Variants in GFI1B observed in about 807,000 individuals in gnomAD.
GFI1B encodes zinc finger protein Gfi-1b.
GFI1B carries 20 observed loss-of-function variants against 35.3 expected under a neutral mutation model. The ratio of observed to expected loss-of-function variants is 0.57; its 90% CI spans 0.40 to 0.82. The LOEUF (loss-of-function observed/expected upper bound fraction) is 0.82, where lower values mean the gene tolerates loss of function less well. Ranked by LOEUF, GFI1B falls within the 40% of genes least tolerant of loss-of-function variation. GFI1B has a pLI of 0.00. For missense variants in GFI1B, 430 were observed against 446.3 expected (o/e 0.96, Z 0.33); for synonymous variants, 178 against 177.6 (o/e 1.00, Z -0.02).
At position 132,979,297 on chromosome 9, in the gene GFI1B, C is replaced by T. The variant is rs564396862; in HGVS notation, c.-21+456C>T. ...TTTGAGACAGAGTGAGACTCTGGAGCGCAGTGGTGCGATTGCACTGAAACC... is the reference window on the plus strand; with the variant it reads ...TTTGAGACAGAGTGAGACTCTGGAGTGCAGTGGTGCGATTGCACTGAAACC... On this transcript the variant is annotated intron_variant, in intron 1 of 6. Transcript: ENST00000372122. Among the ~76,000 whole-genome samples the T allele has an allele frequency of 8.3e-5, 11 of 132,310 alleles. No homozygotes were observed. In the South Asian group the frequency reaches 1.7e-3, roughly 20 times the overall value. 86.8% of individuals were successfully genotyped at this position (132,310 alleles called of 152,430 possible). A position where few individuals can be genotyped will look rare whatever the true frequency, so the allele number is the denominator to read the frequency against.
At position 132,989,888 on chromosome 9, in the gene GFI1B, G is replaced by A; in HGVS notation, c.795G>A (p.Lys265=). 3.1e-6 allele frequency: 5 copies of A among 1,614,234 alleles called. No individual in the cohort carries two copies. The African/African-American group carries it at 4.0e-5, about 13-fold the overall frequency. ...TCCACCAGAAGTCCGACATGAAGAA[G>A]CACACCTACATCCACACAGGTGAGT... ...KRFHQKSDMK[K]HTYIHTGEKP... The change falls in exon 6 of 7, where the codon AAG becomes AAA. Residue 265 remains lysine (K), a synonymous_variant. Transcript: ENST00000372122. The surrounding 1 kb of genome is among the most constrained non-coding windows in gnomAD (Gnocchi z 6.2).
rs1312313443 is a variant in GFI1B at position 132,991,197 on chromosome 9, G to T, written c.*147G>T. 4 of 730,344 alleles carry T rather than the reference G, an allele frequency of 5.5e-6. No individual in the cohort carries two copies. The highest frequency in any genetic ancestry group is 7.0e-6 in the Non-Finnish European group (3 of 426,854). The allele number at this position is 730,344 out of a possible 1,614,324, so 45.2% of individuals were successfully genotyped here. On this transcript the variant is annotated 3_prime_UTR_variant, in exon 7 of 7. Coordinates refer to ENST00000372122, the MANE Select transcript of GFI1B (RefSeq NM_001377304.1). ...GTTTTGAGACTCATGAAATTGCTGT[G>T]TGACCTTGGGCAAGTCACTTACCCT...
chr9:132,947,412 C>CAAA (rs35035214), intron 1 of GFI1B, among the ~76,000 whole-genome samples: 10 of 95,944 alleles, frequency 1.0e-4, no homozygotes, highest in Middle Eastern at 5.4e-3. Context: ...TTTAATCGAG[C>CAAA]AAAAAAAAAA....
chr9:132,988,929 C>A, intron 4 of GFI1B, 132 bp from the exon 5 acceptor site: 2 of 836,364 alleles, frequency 2.4e-6, no homozygotes, highest in Non-Finnish European at 4.0e-6. Flanking sequence ...AGCAGCAGAA[C>A]TGGCAATCCA....
At position 132,968,086 on chromosome 9, in the gene GFI1B, TTTTATTTATTTATTTA is replaced by T. The variant is rs34989096; in HGVS notation, c.-700-4611_-700-4596del. Among the ~76,000 whole-genome samples the T allele has an allele frequency of 8.3e-4, 114 of 137,898 alleles. 1 individual carries two copies. The highest frequency in any genetic ancestry group is 3.6e-3 in the Middle Eastern group (1 of 280). The allele number at this position is 137,898 out of a possible 152,430, so 90.5% of individuals were successfully genotyped here. On this transcript the variant is annotated intron_variant, in intron 1 of 10. Coordinates refer to the GFI1B transcript ENST00000339463. ...TGTGAGCCACAGTGCCCAGCCATTC[TTTTATTTATTTATTTA>T]TTTATTTATTTATTTATTTATTTAT...
intron 2 of GFI1B, 37 bp downstream of exon 2, chr9:132,986,815 C>CG (rs1564177349): frequency 4.7e-6 from 6 of 1,285,272 alleles, no homozygotes; most frequent in South Asian, 1.2e-5. Flanking sequence ...GCTGCACCCA[C>CG]GGGGGGCTCT....
intron 1 of GFI1B, among the ~76,000 whole-genome samples, chr9:132,983,911 G>C (rs1255081944): frequency 2.6e-5 from 4 of 152,170 alleles, no homozygotes; most frequent in Admixed American, 6.5e-5. Flanking sequence ...CTCTGCCCCA[G>C]GGTCCTGAGC....
intron 1 of GFI1B, among the ~76,000 whole-genome samples, chr9:132,971,712 G>A (rs911205402): frequency 4.6e-5 from 7 of 152,168 alleles, no homozygotes; most frequent in East Asian, 1.9e-4. Context: ...GGTGGCTCAC[G>A]TCTGTAATCA....
intron 1 of GFI1B, among the ~76,000 whole-genome samples, chr9:132,961,285 A>G (rs913680431): frequency 6.6e-6 from 1 of 152,164 alleles, no homozygotes; most frequent in Non-Finnish European, 1.5e-5. Flanking sequence ...CATGGTAAGA[A>G]GAAAGCAAGC....
At chr9:132,947,412 CA>C (rs35035214) in intron 1 of GFI1B, among the ~76,000 whole-genome samples, 41,022 of 95,736 alleles carry the variant, frequency 0.43, 6,961 homozygotes, top group East Asian at 0.52. Flanking sequence ...TTTAATCGAG[CA>C]AAAAAAAAAA....
In GFI1B at chr9:132,989,780, C is replaced by G; in HGVS notation, c.687C>G (p.Phe229Leu). 2 of 1,614,104 alleles carry G rather than the reference C, an allele frequency of 1.2e-6. No homozygotes were observed. Among genetic ancestry groups the G allele is most frequent in the Non-Finnish European group, 1.7e-6 (2 of 1,179,894 alleles). ...AGTGCCGCATGTGCGGCAAGGCCTT[C>G]AAGCGCTCGTCCACGCTGTCCACCC... is the stretch of plus-strand genomic sequence containing the variant. ...SFECRMCGKA[F>L]KRSSTLSTHL... The change falls in exon 6 of 7, where the codon TTC (phenylalanine) becomes TTG (leucine). Residue 229 changes from phenylalanine (F) to leucine (L), a missense_variant. Coordinates refer to ENST00000372122, the MANE Select transcript of GFI1B (RefSeq NM_001377304.1). This position sits in a 1 kb window ranked among gnomAD's most constrained non-coding sequence, Gnocchi z 6.2.
At chr9:132,971,123 C>G (rs1273402831) in intron 1 of GFI1B, among the ~76,000 whole-genome samples, 1 of 152,198 alleles carries the variant, frequency 6.6e-6, no homozygotes, top group African/African-American at 2.4e-5. Flanking sequence ...CGTCAGTCCC[C>G]AAAGTGCTGG....
At chr9:132,951,081 A>T (rs1044276281) in intron 1 of GFI1B, 1 of 152,094 alleles carries the variant, frequency 6.6e-6, no homozygotes, top group African/African-American at 2.4e-5. Flanking sequence ...GGCTCAAGCG[A>T]TCCTCTTGCC....
At chr9:132,955,790 ATGTGTGTGTGTGTGTGCATG>A (rs940846041) in intron 1 of GFI1B, among the ~76,000 whole-genome samples, 7 of 141,754 alleles carry the variant, frequency 4.9e-5, no homozygotes, top group African/African-American at 1.5e-4. Flanking sequence ...AACCAACGTG[ATGTGTGTGTGTGTGTGCATG>A]TGTGTGTGTG....
At chr9:132,963,516 T>A (rs1848401391) in intron 1 of GFI1B, among the ~76,000 whole-genome samples, 1 of 151,970 alleles carries the variant, frequency 6.6e-6, no homozygotes, top group Non-Finnish European at 1.5e-5. Flanking sequence ...TTATTATTAT[T>A]TTCCCTTGAG....
upstream of GFI1B, chr9:132,974,982 G>C (rs547008696): frequency 6.6e-6 from 1 of 151,986 alleles, no homozygotes. Context: ...TTGTGTTTCT[G>C]TACTGGGCAC....
upstream of GFI1B, among the ~76,000 whole-genome samples, chr9:132,974,283 G>A (rs115121832): frequency 0.013 from 1,930 of 152,226 alleles, 33 homozygotes; most frequent in Non-Finnish European, 0.019. Flanking sequence ...GGAAGTTAGA[G>A]CAATAAATAA....
At chr9:132,961,804 G>A (rs1195531046) in intron 1 of GFI1B, among the ~76,000 whole-genome samples, 2 of 151,792 alleles carry the variant, frequency 1.3e-5, no homozygotes, top group African/African-American at 2.4e-5. Context: ...TGTTAGCCAG[G>A]ATGGTCTCGA....
Position 132,989,275 on chromosome 9 carries a change from C to A in GFI1B, c.648+77C>A. The A allele has an allele frequency of 7.0e-7, 1 of 1,433,706 alleles. No homozygotes were observed. The highest frequency in any genetic ancestry group is 9.7e-7 in the Non-Finnish European group (1 of 1,030,438). The allele number at this position is 1,433,706 out of a possible 1,614,324, so 88.8% of individuals were successfully genotyped here. ...TCCCCAGGGAGCCTGGGGGCTGTGG[C>A]TGGGTCCCTCCCCCTGCCCCTGGGG... is the stretch of plus-strand genomic sequence containing the variant. On this transcript the variant is annotated intron_variant, in intron 5 of 6. Coordinates refer to ENST00000372122, the MANE Select transcript of GFI1B (RefSeq NM_001377304.1). The surrounding 1 kb of genome is among the most constrained non-coding windows in gnomAD (Gnocchi z 6.2).
Sources: allele counts gnomAD v4.1 joint callset (sites outside exome capture counted in the v4.1 genomes callset), GRCh38; gene constraint gnomAD v4.1.1; non-coding constraint Gnocchi (gnomAD v3.1); transcripts MANE v1.5; gene names NCBI Gene and HGNC (gene_info 2026-07-23, HGNC 2026-07-21).